The following PDGFRA variants were observed in gnomAD, a reference collection of about 807,000 sequenced individuals.
PDGFRA encodes platelet-derived growth factor receptor alpha.
Under a neutral mutation model 121.5 loss-of-function variants are expected in PDGFRA, and 25 were observed. That is an observed-to-expected ratio of 0.21 (90% CI 0.15 to 0.29). The LOEUF (loss-of-function observed/expected upper bound fraction) is 0.29. Ranked by LOEUF, PDGFRA falls within the 10% of genes least tolerant of loss-of-function variation. The pLI is 1.00. For synonymous variants in PDGFRA, 463 were observed against 494.8 expected (o/e 0.94, Z 0.85); for missense variants, 1,008 against 1,345.1 (o/e 0.75, Z 3.92).
intron 1 of PDGFRA, among the ~76,000 whole-genome samples, chr4:54,255,304 C>T (rs1286780272): frequency 6.6e-6 from 1 of 152,132 alleles, no homozygotes; most frequent in Admixed American, 6.5e-5. Flanking sequence ...ACCTTTCACT[C>T]TGTGTTTTCT....
chr4:54,295,012 A>T, intron 22 of PDGFRA, 113 bp from the exon 23 acceptor site: 3 of 1,080,236 alleles, frequency 2.8e-6, no homozygotes, highest in Non-Finnish European at 2.8e-6. Context: ...ATCTTGCCAT[A>T]CTGTGCAGCC....
chr4:54,239,071 C>T (rs1224037891), intron 1 of PDGFRA, among the ~76,000 whole-genome samples: 2 of 152,218 alleles, frequency 1.3e-5, no homozygotes, highest in Non-Finnish European at 2.9e-5. Context: ...ATGAAAGTGA[C>T]CTCTGGTCAT....
At chr4:54,231,990 G>C (rs1178717592) in intron 1 of PDGFRA, among the ~76,000 whole-genome samples, 4 of 152,362 alleles carry the variant, frequency 2.6e-5, no homozygotes, top group South Asian at 2.1e-4. Context: ...TCCTGGGGAC[G>C]GACCGTGGGC....
chr4:54,284,799 TGC>T (rs1308861300), intron 16 of PDGFRA, among the ~76,000 whole-genome samples: 1 of 14,126 alleles, frequency 7.1e-5, no homozygotes, highest in African/African-American at 9.4e-5. Context: ...ACTATATCAT[TGC>T]GTGTGTGTGT....
chr4:54,244,683 A>G (rs1017397895), intron 1 of PDGFRA, among the ~76,000 whole-genome samples: 1 of 152,272 alleles, frequency 6.6e-6, no homozygotes, highest in Non-Finnish European at 1.5e-5. Context: ...AGAGGAACGC[A>G]GCTCCTCACC....
At chr4:54,281,995 G>A in intron 16 of PDGFRA, 1 of 1,062,674 alleles carries the variant, frequency 9.4e-7, no homozygotes, top group East Asian at 5.8e-5. Flanking sequence ...CATGTAGCTT[G>A]TATGTGTGCT....
Position 54,296,853 on chromosome 4 carries a change from C to G in PDGFRA, c.*1581C>G, listed in dbSNP as rs1287458484. On this transcript the variant is annotated 3_prime_UTR_variant, in exon 23 of 23. Coordinates refer to ENST00000257290, the MANE Select transcript of PDGFRA (RefSeq NM_006206.6). ...GTTAGTGACATTTAATGCCATCTAG[C>G]TAGCAATTGCGACCTTAATTTAACT... 1.7e-5 allele frequency: 4 copies of G among 232,912 alleles called. No homozygotes were observed. The highest frequency in any genetic ancestry group is 2.5e-5 in the Non-Finnish European group (3 of 117,884). The allele number at this position is 232,912 out of a possible 1,614,324, so 14.4% of individuals were successfully genotyped here. A position where few individuals can be genotyped will look rare whatever the true frequency, so the allele number is the denominator to read the frequency against.
intron 1 of PDGFRA, among the ~76,000 whole-genome samples, chr4:54,243,832 G>A (rs527395684): frequency 6.6e-6 from 1 of 152,300 alleles, no homozygotes; most frequent in Non-Finnish European, 1.5e-5. Context: ...GGTGACAGAC[G>A]GCACCTGGAA....
Position 54,287,456 on chromosome 4 carries a change from T to C in PDGFRA, c.2589T>C (p.Ala863=). ...CCTTTCTGCCCGTGAAGTGGATGGC[T>C]CCTGAGAGCATCTTTGACAACCTCT... ...GSTFLPVKWM[A]PESIFDNLYT... is the part of the protein sequence containing the mutation. The change falls in exon 19 of 23, where the codon GCT becomes GCC. Residue 863 remains alanine, a synonymous_variant. Transcript: ENST00000257290. 1 of 1,539,744 alleles carries C rather than the reference T, an allele frequency of 6.5e-7. No homozygotes were observed.
chr4:54,277,069 G>T, intron 12 of PDGFRA: 1 of 409,208 alleles, frequency 2.4e-6, no homozygotes, highest in Non-Finnish European at 4.5e-6. Context: ...TGAGAGCCCC[G>T]AAGGCAAGAG....
intron 3 of PDGFRA, among the ~76,000 whole-genome samples, chr4:54,262,624 C>T (rs1292276314): frequency 6.6e-6 from 1 of 151,878 alleles, no homozygotes; most frequent in Non-Finnish European, 1.5e-5. Context: ...GGATCTAGAC[C>T]CTCTTTACTT....
chr4:54,261,049 T>C, intron 2 of PDGFRA, 46 bp from the exon 3 acceptor site: 2 of 1,545,842 alleles, frequency 1.3e-6, no homozygotes, highest in Non-Finnish European at 1.8e-6. Flanking sequence ...GGGATGAGAC[T>C]GTCCTTTCTG....
In PDGFRA at chr4:54,269,583, T is replaced by C. The variant is rs573110128; in HGVS notation, c.1122-1050T>C. Among the ~76,000 whole-genome samples, 9 of 151,924 alleles carry C rather than the reference T, an allele frequency of 5.9e-5. No individual in the cohort carries two copies. The South Asian group carries it at 1.9e-3, about 32-fold the overall frequency. ...TGTAAAATATTTTTGGGGAAGTTTC[T>C]CTTTAATAAAGTTTGAAGAGACATA... On this transcript the variant is annotated intron_variant, in intron 7 of 22. Transcript: ENST00000257290.
Position 54,280,300 on chromosome 4 carries a change from CTT to C in PDGFRA, c.2157-14_2157-13del. The C allele has an allele frequency of 6.2e-7, 1 of 1,611,950 alleles. No homozygotes were observed. The highest frequency in any genetic ancestry group is 2.2e-5 in the East Asian group (1 of 44,822). ...GAAGGGCACCCTGGGTAAGATTTCT[CTT>C]TCTGTTTTTACAGCTATGTTATTTT... On this transcript the variant is annotated splice_polypyrimidine_tract_variant and intron_variant, in intron 15 of 22. Transcript: ENST00000257290.
Position 54,260,631 on chromosome 4 carries a change from C to T in PDGFRA, c.50-464C>T, listed in dbSNP as rs535543721. On this transcript the variant is annotated intron_variant, in intron 2 of 22. Coordinates refer to ENST00000257290, the MANE Select transcript of PDGFRA (RefSeq NM_006206.6). ...CTACGTTGCCCAGGCTGGTCTCGAA[C>T]TCCTGAGCTCAAGCGATCCTCCCAC... 3.3e-5 allele frequency among the ~76,000 whole-genome samples: 5 copies of T among 152,022 alleles called. No homozygotes were observed. In the South Asian group the frequency reaches 8.3e-4, roughly 25 times the overall value.
chr4:54,288,224 G>A (rs958781162), intron 19 of PDGFRA, among the ~76,000 whole-genome samples: 1 of 152,206 alleles, frequency 6.6e-6, no homozygotes, highest in Non-Finnish European at 1.5e-5. Context: ...AACTTGACCT[G>A]GCCTTGGCTT....
chr4:54,248,191 T>C (rs1018731435), intron 1 of PDGFRA, among the ~76,000 whole-genome samples: 1 of 152,212 alleles, frequency 6.6e-6, no homozygotes, highest in Non-Finnish European at 1.5e-5. Flanking sequence ...CCAATGACTT[T>C]CTTCACAGAA....
At chr4:54,239,467 A>G (rs1721180538) in intron 1 of PDGFRA, among the ~76,000 whole-genome samples, 1 of 152,182 alleles carries the variant, frequency 6.6e-6, no homozygotes, top group Non-Finnish European at 1.5e-5. Flanking sequence ...GCTGAACCCC[A>G]ATTTTGAGTT....
chr4:54,265,095 G>C, intron 5 of PDGFRA, 46 bp downstream of exon 5: 2 of 1,602,682 alleles, frequency 1.2e-6, no homozygotes, highest in South Asian at 1.1e-5. Flanking sequence ...GAGCAACAGG[G>C]CTCAGAAGAC....
Sources: allele counts gnomAD v4.1 joint callset (sites outside exome capture counted in the v4.1 genomes callset), GRCh38; gene constraint gnomAD v4.1.1; transcripts MANE v1.5; gene names NCBI Gene and HGNC (gene_info 2026-07-23, HGNC 2026-07-21).